Variants in SPOCK1 observed in about 807,000 individuals in gnomAD.
The protein encoded by SPOCK1 is testican-1.
In SPOCK1, 23 loss-of-function variants were observed where a neutral mutation model predicts 55.3. That is an observed-to-expected ratio of 0.42 (90% CI 0.30 to 0.59). SPOCK1 has a LOEUF of 0.59. SPOCK1 is among the 20% of genes least tolerant of loss of function. The pLI is 0.22. For missense variants in SPOCK1, 499 were observed against 552.5 expected (o/e 0.90, Z 0.97); for synonymous variants, 226 against 221.0 (o/e 1.02, Z -0.20).
At chr5:137,207,039 A>G (rs928479426) in intron 3 of SPOCK1, among the ~76,000 whole-genome samples, 20 of 152,244 alleles carry the variant, frequency 1.3e-4, no homozygotes, top group African/African-American at 4.8e-4. Flanking sequence ...TGCCCCTGGA[A>G]TGTGTACATA....
chr5:137,311,593 C>A (rs1296641176), intron 2 of SPOCK1, among the ~76,000 whole-genome samples: 3 of 152,240 alleles, frequency 2.0e-5, no homozygotes, highest in African/African-American at 7.2e-5. Context: ...CCGCTCTTTT[C>A]CTTCAGTCTA....
intron 5 of SPOCK1, among the ~76,000 whole-genome samples, chr5:137,072,155 A>G (rs1278021684): frequency 6.6e-6 from 1 of 152,212 alleles, no homozygotes; most frequent in African/African-American, 2.4e-5. Flanking sequence ...GGACCTAAAG[A>G]ACTTGGCCAA....
At chr5:137,492,263 G>T (rs1754197480) in intron 2 of SPOCK1, among the ~76,000 whole-genome samples, 2 of 152,158 alleles carry the variant, frequency 1.3e-5, no homozygotes, top group African/African-American at 4.8e-5. Flanking sequence ...CGGAGGAATG[G>T]GTGCCTAACG....
At chr5:137,477,513 C>G (rs1561546011) in intron 2 of SPOCK1, among the ~76,000 whole-genome samples, 1 of 152,160 alleles carries the variant, frequency 6.6e-6, no homozygotes, top group African/African-American at 2.4e-5. Flanking sequence ...TGGGTATAGC[C>G]AACTTGCACC....
At chr5:137,222,511 TAAAAG>T (rs1203220683) in intron 3 of SPOCK1, among the ~76,000 whole-genome samples, 1 of 152,176 alleles carries the variant, frequency 6.6e-6, no homozygotes, top group Non-Finnish European at 1.5e-5. Flanking sequence ...ATCAGACTCT[TAAAAG>T]AAGAGCACAG....
At chr5:137,035,400 G>T (rs1751864691) in intron 6 of SPOCK1, among the ~76,000 whole-genome samples, 1 of 152,224 alleles carries the variant, frequency 6.6e-6, no homozygotes, top group Non-Finnish European at 1.5e-5. Context: ...CAAGGCAAAG[G>T]CACAGACACT....
At chr5:137,116,181 G>T (rs11744394) in intron 4 of SPOCK1, among the ~76,000 whole-genome samples, 31,211 of 152,130 alleles carry the variant, frequency 0.21, 3,623 homozygotes, top group East Asian at 0.38. Context: ...ATCCACGATG[G>T]CAAGAAGACA....
At chr5:137,193,398 CCA>C (rs943306904) in intron 3 of SPOCK1, among the ~76,000 whole-genome samples, 1 of 152,074 alleles carries the variant, frequency 6.6e-6, no homozygotes, top group Non-Finnish European at 1.5e-5. Context: ...ATTTTGATGT[CCA>C]GTTTTCTAGC....
At chr5:136,988,670 T>C in intron 7 of SPOCK1, 27 bp from the exon 8 acceptor site, 2 of 1,596,442 alleles carry the variant, frequency 1.3e-6, no homozygotes, top group Non-Finnish European at 1.7e-6. Context: ...ATATCTCAGC[T>C]GCCACCAAGC....
intron 2 of SPOCK1, among the ~76,000 whole-genome samples, chr5:137,341,133 C>A: frequency 6.6e-6 from 1 of 152,348 alleles, no homozygotes; most frequent in Non-Finnish European, 1.5e-5. Flanking sequence ...ATCCAGGCCA[C>A]AGTCTCCCCA....
intron 2 of SPOCK1, among the ~76,000 whole-genome samples, chr5:137,457,811 G>T (rs1400933951): frequency 2.0e-5 from 3 of 152,158 alleles, no homozygotes; most frequent in African/African-American, 7.2e-5. Flanking sequence ...GGGAAAAAAG[G>T]GGAATTTGTT....
intron 2 of SPOCK1, among the ~76,000 whole-genome samples, chr5:137,383,555 T>C (rs527974651): frequency 6.6e-6 from 1 of 152,110 alleles, no homozygotes; most frequent in Non-Finnish European, 1.5e-5. Flanking sequence ...CTAGTCAGGG[T>C]AACTTCCTCC....
intron 2 of SPOCK1, among the ~76,000 whole-genome samples, chr5:137,330,542 G>C (rs1664189330): frequency 6.6e-6 from 1 of 152,250 alleles, no homozygotes; most frequent in South Asian, 2.1e-4. Flanking sequence ...GAATGTGAAT[G>C]CAAGGCTGAT....
intron 3 of SPOCK1, among the ~76,000 whole-genome samples, chr5:137,171,588 A>C (rs1754755412): frequency 6.6e-6 from 1 of 152,190 alleles, no homozygotes; most frequent in Admixed American, 6.5e-5. Context: ...ATTTATATGT[A>C]GATATCTTCA....
Position 137,132,161 on chromosome 5 carries a change from C to A in SPOCK1, c.347+8419G>T, listed in dbSNP as rs1194032399. On this transcript the variant is annotated intron_variant, in intron 4 of 10. Coordinates refer to ENST00000394945, the MANE Select transcript of SPOCK1 (RefSeq NM_004598.4). ...CTGCACTCCAGCCTGGGCAACAGAA[C>A]AAGACTCTGTCTCAAAAAAAAAAAA... 7.6e-5 allele frequency among the ~76,000 whole-genome samples: 8 copies of A among 104,650 alleles called. 1 individual carries two copies. In the South Asian group the frequency reaches 9.9e-4, roughly 13 times the overall value. 68.7% of individuals were successfully genotyped at this position (104,650 alleles called of 152,430 possible). A position where few individuals can be genotyped will look rare whatever the true frequency, so the allele number is the denominator to read the frequency against.
intron 2 of SPOCK1, among the ~76,000 whole-genome samples, chr5:137,380,520 A>C (rs1025538152): frequency 1.3e-5 from 2 of 152,210 alleles, no homozygotes; most frequent in African/African-American, 4.8e-5. Flanking sequence ...GGTTTAATTG[A>C]CTGACAATTC....
At chr5:137,082,360 T>A (rs1752889280) in intron 5 of SPOCK1, among the ~76,000 whole-genome samples, 4 of 152,136 alleles carry the variant, frequency 2.6e-5, no homozygotes, top group Non-Finnish European at 5.9e-5. Context: ...AGGAGAGACA[T>A]GTCAGCTACT....
At chr5:137,426,455 C>G (rs1382480350) in intron 2 of SPOCK1, among the ~76,000 whole-genome samples, 1 of 152,152 alleles carries the variant, frequency 6.6e-6, no homozygotes, top group African/African-American at 2.4e-5. Flanking sequence ...GAAATGAGGG[C>G]TTTTCAGGGC....
rs115131329 is a variant in SPOCK1, at chr5:137,040,483, C to T, written c.589+27232G>A. On this transcript the variant is annotated intron_variant, in intron 6 of 10. Transcript: ENST00000394945. The stretch of plus-strand genomic sequence containing the variant: ...GACAGGTGGAAAAACACTGTAAATA[C>T]AGGCCCACAAAATACATAAGGGACA... Among the ~76,000 whole-genome samples the T allele has an allele frequency of 5.0e-3, 758 of 152,338 alleles. 7 individuals carry two copies. The highest frequency in any genetic ancestry group is 0.017 in the African/African-American group (723 of 41,580).
Sources: allele counts gnomAD v4.1 joint callset (sites outside exome capture counted in the v4.1 genomes callset), GRCh38; gene constraint gnomAD v4.1.1; transcripts MANE v1.5; gene names NCBI Gene and HGNC (gene_info 2026-07-23, HGNC 2026-07-21).